TG: variants seen among roughly 807,000 people sequenced by gnomAD.
The protein encoded by TG is thyroglobulin, also known as thyroid hormones.
In TG, 270 loss-of-function variants were observed where a neutral mutation model predicts 324.7. The ratio of observed to expected loss-of-function variants is 0.83; its 90% CI spans 0.75 to 0.92. TG has a LOEUF of 0.92. Among genes scored for constraint, TG ranks in the 40% least tolerant of loss-of-function variants. The pLI is 0.00. For missense variants in TG, 3,591 were observed against 3,456.4 expected (o/e 1.04, Z -0.98); for synonymous variants, 1,401 against 1,327.0 (o/e 1.06, Z -1.21).
At chr8:132,964,952 G>T (rs1375541419) in intron 29 of TG, 2 of 702,274 alleles carry the variant, frequency 2.8e-6, no homozygotes, top group South Asian at 3.0e-5. Context: ...GAGAAAAGGT[G>T]TTCCAGGTAA....
chr8:133,055,431 TCA>T (rs1841262425), intron 41 of TG, among the ~76,000 whole-genome samples: 1 of 146,684 alleles, frequency 6.8e-6, no homozygotes, highest in Non-Finnish European at 1.5e-5. Context: ...AACTAACCAA[TCA>T]CACAGAGCTG....
intron 19 of TG, among the ~76,000 whole-genome samples, 163 bp from the exon 20 acceptor site, chr8:132,912,884 C>A (rs574080258): frequency 2.6e-5 from 4 of 152,174 alleles, no homozygotes; most frequent in Non-Finnish European, 5.9e-5. Context: ...CCAGTTCATC[C>A]CCTTCTCTGG....
At chr8:133,082,572 C>A (rs752287660) in intron 41 of TG, among the ~76,000 whole-genome samples, 1 of 152,156 alleles carries the variant, frequency 6.6e-6, no homozygotes, top group Non-Finnish European at 1.5e-5. Flanking sequence ...GTGGAAACAG[C>A]GGCTGGACAT....
At chr8:132,894,484 A>G (rs374531586) in intron 11 of TG, among the ~76,000 whole-genome samples, 22 of 148,940 alleles carry the variant, frequency 1.5e-4, no homozygotes, top group African/African-American at 5.5e-4. Context: ...TTTGAGACGG[A>G]GTCTTGCTCT....
chr8:132,906,356 A>T (rs1438907217), intron 16 of TG, among the ~76,000 whole-genome samples: 1 of 152,026 alleles, frequency 6.6e-6, no homozygotes, highest in African/African-American at 2.4e-5. Flanking sequence ...TCAGGCCTGG[A>T]TGGTGGGCTT....
At chr8:133,130,574 C>T (rs1851863788) in intron 45 of TG, among the ~76,000 whole-genome samples, 1 of 152,110 alleles carries the variant, frequency 6.6e-6, no homozygotes, top group African/African-American at 2.4e-5. Context: ...AGCAGGAAAA[C>T]GGGGGCCTGG....
chr8:132,877,424 C>A (rs988679571), intron 5 of TG, among the ~76,000 whole-genome samples: 2 of 152,190 alleles, frequency 1.3e-5, no homozygotes, highest in Non-Finnish European at 2.9e-5. Flanking sequence ...CAGGTGTGAG[C>A]CATGCCCGGT....
chr8:133,056,499 C>A (rs557650592), intron 41 of TG, among the ~76,000 whole-genome samples: 1 of 152,292 alleles, frequency 6.6e-6, no homozygotes, highest in East Asian at 1.9e-4. Flanking sequence ...CTTCTTGAAA[C>A]CCTGTCCTTT....
Position 132,887,277 on chromosome 8 carries a change from G to C in TG, c.1905G>C (p.Glu635Asp). The C allele has an allele frequency of 1.2e-6, 2 of 1,603,566 alleles. No individual in the cohort carries two copies. Among genetic ancestry groups the C allele is most frequent in the Non-Finnish European group, 1.7e-6 (2 of 1,173,536 alleles). The change falls in exon 9 of 48, where the codon GAG (glutamate) becomes GAC (aspartate). Residue 635 changes from glutamate (E) to aspartate (D), a missense_variant. Transcript: ENST00000220616. ...AGGATGTCCAATGCTTTTCCGGAGA[G>C]TGCTGGTGTGTGAATTCCTGGGGCA... ...SYEDVQCFSG[E>D]CWCVNSWGKE...
In TG at chr8:132,961,057, G is replaced by C. The variant is rs1331661844; in HGVS notation, c.5451G>C (p.Gln1817His). 6.2e-7 allele frequency: 1 copy of C among 1,614,010 alleles called. No homozygotes were observed. The highest frequency in any genetic ancestry group is 8.5e-7 in the Non-Finnish European group (1 of 1,179,958). ...AAGACACCTTTACCAATTTTCAGCA[G>C]GTTTATCTCTGGAAAGGTGAGCTCC... Reference protein sequence around the residue: ...GTQDTFTNFQQVYLWKDSDMG... With the variant: ...GTQDTFTNFQHVYLWKDSDMG... The change falls in exon 28 of 48, where the codon CAG becomes CAC. Residue 1817 changes from glutamine (Q) to histidine (H), a missense_variant. Physicochemically the swap from Gln to His is conservative, Grantham distance 24 (BLOSUM62 0). Coordinates refer to ENST00000220616, the MANE Select transcript of TG (RefSeq NM_003235.5).
intron 34 of TG, among the ~76,000 whole-genome samples, chr8:132,977,541 TA>T (rs369171713): frequency 1.4e-4 from 22 of 152,248 alleles, no homozygotes; most frequent in African/African-American, 5.3e-4. Context: ...TAACTGGACT[TA>T]CGGTTCCACA....
In TG at chr8:132,888,105, T is replaced by C. The variant is rs1367388159; in HGVS notation, c.2298T>C (p.Asp766=). Residue 766 remains aspartate, a synonymous_variant, in exon 10 of 48, where the codon GAT becomes GAC. Transcript: ENST00000220616. The part of the protein sequence containing the change: ...SDTYIPQCST[D]GQWRQVQCNG... ...CCTACATCCCACAGTGCAGCACCGA[T>C]GGGCAGTGGAGACAAGTGCAATGCA... 6.2e-7 allele frequency: 1 copy of C among 1,614,076 alleles called. No individual in the cohort carries two copies. The highest frequency in any genetic ancestry group is 1.6e-4 in the Middle Eastern group (1 of 6,062).
chr8:133,125,060 A>G (rs2131818887), intron 45 of TG, among the ~76,000 whole-genome samples: 1 of 152,314 alleles, frequency 6.6e-6, no homozygotes, highest in East Asian at 1.9e-4. Context: ...CCTTGACATA[A>G]TAGGGTTTGC....
rs150017014 is a variant in TG at position 132,948,526 on chromosome 8, C to G, written c.5234-250C>G. 2.1e-3 allele frequency among the ~76,000 whole-genome samples: 313 copies of G among 152,264 alleles called. 1 individual carries two copies. The highest frequency in any genetic ancestry group is 7.3e-3 in the African/African-American group (305 of 41,548). On this transcript the variant is annotated intron_variant, in intron 26 of 47. Transcript: ENST00000220616. ...GCTATGGATGCCATGAAGGAAAGCT[C>G]TCATAGGGAGGGAAAGGATCAGTAG... is the stretch of plus-strand genomic sequence containing the variant.
intron 25 of TG, among the ~76,000 whole-genome samples, chr8:132,936,433 T>C (rs780043519): frequency 1.1e-4 from 16 of 152,296 alleles, no homozygotes; most frequent in Admixed American, 2.0e-4. Flanking sequence ...TAGTAAATCA[T>C]TGGTGTCAGG....
chr8:133,079,125 G>T (rs889864415), intron 41 of TG, among the ~76,000 whole-genome samples: 1 of 152,148 alleles, frequency 6.6e-6, no homozygotes, highest in Non-Finnish European at 1.5e-5. Flanking sequence ...AGCAGGTGAT[G>T]CCCCCACCAA....
chr8:132,869,950 T>A, intron 3 of TG, 124 bp downstream of exon 3: 1 of 772,862 alleles, frequency 1.3e-6, no homozygotes, highest in South Asian at 1.6e-5. Context: ...GCTTCTCCTC[T>A]GTGAATAAGA....
Position 132,888,156 on chromosome 8 carries a change from G to C in TG, c.2349G>C (p.Glu783Asp). ...ATGGGCCTCCTGAGCAGGTCTTCGA[G>C]TTGTACCAACGATGGGAGGCTCAGA... ...QCNGPPEQVFELYQRWEAQNK... is the reference protein window; with the variant it reads ...QCNGPPEQVFDLYQRWEAQNK... Residue 783 changes from glutamate (E) to aspartate (D), a missense_variant, in exon 10 of 48, where the codon GAG becomes GAC. Coordinates refer to ENST00000220616, the MANE Select transcript of TG (RefSeq NM_003235.5). 1 of 1,614,142 alleles carries C rather than the reference G, an allele frequency of 6.2e-7. No individual in the cohort carries two copies. The highest frequency in any genetic ancestry group is 1.1e-5 in the South Asian group (1 of 91,082).
At position 132,906,803 on chromosome 8, in the gene TG, C is replaced by T. The variant is rs1186861321; in HGVS notation, c.3750C>T (p.Arg1250=). The change falls in exon 17 of 48, where the codon CGC becomes CGT. Residue 1250 remains arginine (R), a synonymous_variant. Coordinates refer to ENST00000220616, the MANE Select transcript of TG (RefSeq NM_003235.5). ...TGCAGCAGTGCCAATTGCTGTGCCG[C>T]CAGGGCTCCTGGAGCGTGTTTCCAC... is the stretch of plus-strand genomic sequence containing the variant. ...SAMQQCQLLC[R]QGSWSVFPPG... 6.2e-7 allele frequency: 1 copy of T among 1,614,200 alleles called. No individual in the cohort carries two copies.
Sources: gnomAD v4.1 joint callset for allele counts (sites outside exome capture counted in the v4.1 genomes callset) on GRCh38, gnomAD v4.1.1 for gene constraint, MANE v1.5 for transcripts, NCBI Gene and HGNC (gene_info 2026-07-23, HGNC 2026-07-21) for gene names.